The following IK variants were observed in gnomAD, a reference collection of about 807,000 sequenced individuals.
IK encodes the protein protein Red.
IK carries 47 observed loss-of-function variants against 90.9 expected under a neutral mutation model. That is an observed-to-expected ratio of 0.52 (90% CI 0.41 to 0.66). IK has a LOEUF of 0.66. Among genes scored for constraint, IK ranks in the 30% least tolerant of loss-of-function variants. The probability of loss-of-function intolerance (pLI) is 0.00; values close to 1 mark genes in which losing one functional copy is unlikely to be tolerated. For missense variants in IK, 385 were observed against 709.3 expected, an observed-to-expected ratio of 0.54 and a Z score of 5.19; for synonymous variants, 201 against 227.5, an observed-to-expected ratio of 0.88 and a Z score of 1.05.
chr5:140,651,438 T>TAA (rs79493817), intron 2 of IK, among the ~76,000 whole-genome samples: 348 of 111,948 alleles, frequency 3.1e-3, no homozygotes, highest in African/African-American at 0.011. Context: ...GACTCTGTCT[T>TAA]AAAAAAAAAA....
intron 14 of IK, 124 bp from the exon 15 acceptor site, chr5:140,659,991 C>T: frequency 1.1e-6 from 1 of 949,318 alleles, no homozygotes; most frequent in Non-Finnish European, 1.7e-6. Context: ...CCCAGAGCAC[C>T]CATAACAGCT....
At chr5:140,658,624 C>T in intron 10 of IK, 113 bp from the exon 11 acceptor site, 1 of 923,820 alleles carries the variant, frequency 1.1e-6, no homozygotes, top group Non-Finnish European at 1.7e-6. Flanking sequence ...CCAGCCTTGA[C>T]CCACGTTTTA....
chr5:140,650,758 TA>T (rs1757601283), intron 2 of IK, among the ~76,000 whole-genome samples: 1 of 152,102 alleles, frequency 6.6e-6, no homozygotes, highest in Non-Finnish European at 1.5e-5. Flanking sequence ...TTTGTATTTT[TA>T]GTAGAGATGG....
At chr5:140,659,681 T>G in intron 13 of IK, 75 bp from the exon 14 acceptor site, 1 of 943,318 alleles carries the variant, frequency 1.1e-6, no homozygotes, top group Non-Finnish European at 1.7e-6. Context: ...TTAAAAATGT[T>G]TTTTAAGTGT....
Position 140,657,668 on chromosome 5 carries a change from T to C in IK, c.910+6T>C, listed in dbSNP as rs1757733859. ...GCTTAAGAAGAAGGATAAAGGTACCTGGAGGGTTAGAGAGAGAAGCCTTAC... is the reference window on the plus strand; with the variant it reads ...GCTTAAGAAGAAGGATAAAGGTACCCGGAGGGTTAGAGAGAGAAGCCTTAC... On this transcript the variant is annotated splice_donor_region_variant and intron_variant, in intron 10 of 19. Transcript: ENST00000417647. The C allele has an allele frequency of 1.3e-6, 2 of 1,580,840 alleles. No homozygotes were observed. The highest frequency in any genetic ancestry group is 1.7e-6 in the Non-Finnish European group (2 of 1,150,976).
rs762830630 is a variant in IK at position 140,661,914 on chromosome 5, T to C, written c.1518T>C (p.Tyr506=). 1.2e-6 allele frequency: 2 copies of C among 1,610,094 alleles called. No homozygotes were observed. Among genetic ancestry groups the C allele is most frequent in the East Asian group, 2.2e-5 (1 of 44,822 alleles). Residue 506 remains tyrosine, a synonymous_variant, in exon 18 of 20, where the codon TAT becomes TAC. Coordinates refer to ENST00000417647, the MANE Select transcript of IK (RefSeq NM_006083.4). The surrounding 1 kb of genome is among the most constrained non-coding windows in gnomAD (Gnocchi z 4.2). ...KEALPKAAFQ[Y]GIKMSEGRKT... is the part of the protein sequence containing the mutation. ...CTTTTTTCAGGGCTGCATTCCAGTA[T>C]GGTATCAAAATGTCTGAAGGGCGGA... is the stretch of plus-strand genomic sequence containing the variant.
intron 9 of IK, among the ~76,000 whole-genome samples, chr5:140,656,518 C>G (rs1757712219): frequency 7.6e-6 from 1 of 131,434 alleles, no homozygotes; most frequent in Admixed American, 7.7e-5. Context: ...TAATTGGTTT[C>G]CGCACTTCCA....
intron 2 of IK, chr5:140,648,796 C>T (rs1757550699): frequency 2.3e-6 from 1 of 440,140 alleles, no homozygotes; most frequent in Non-Finnish European, 4.1e-6. Context: ...GGAATTACTT[C>T]TTCCAATAGC....
At position 140,648,483 on chromosome 5, in the gene IK, C is replaced by G; in HGVS notation, c.29C>G (p.Ser10Cys). Residue 10 changes from serine to cysteine, a missense_variant, in exon 2 of 20, where the codon TCC (serine) becomes TGC (cysteine). By Grantham distance (112) the Ser-to-Cys change is moderately radical. Coordinates refer to ENST00000417647, the MANE Select transcript of IK (RefSeq NM_006083.4). Reference sequence around the variant, plus strand: ...TTTTTTTTGTCAGGTGAGCCGTTCTCCAACCCTTTGGCCCCCGATGGCCAC... The same window carrying G: ...TTTTTTTTGTCAGGTGAGCCGTTCTGCAACCCTTTGGCCCCCGATGGCCAC... MPERDSEPF[S>C]NPLAPDGHDV... The G allele has an allele frequency of 6.2e-7, 1 of 1,613,988 alleles. No homozygotes were observed. Among genetic ancestry groups the G allele is most frequent in the Non-Finnish European group, 8.5e-7 (1 of 1,179,876 alleles).
intron 2 of IK, among the ~76,000 whole-genome samples, chr5:140,649,604 C>G (rs1757580108): frequency 6.6e-6 from 1 of 152,156 alleles, no homozygotes; most frequent in South Asian, 2.1e-4. Context: ...GGCATTATTT[C>G]TGCTCACAGC....
In IK at chr5:140,659,816, G is replaced by C. The variant is rs1473830891; in HGVS notation, c.1256G>C (p.Gly419Ala). 6.3e-7 allele frequency: 1 copy of C among 1,597,170 alleles called. No homozygotes were observed. Among genetic ancestry groups the C allele is most frequent in the Non-Finnish European group, 8.5e-7 (1 of 1,171,276 alleles). Residue 419 changes from glycine (G) to alanine (A), a missense_variant, in exon 14 of 20, where the codon GGC (glycine) becomes GCC (alanine). Around this residue, in one of 8 missense-constraint regions of IK, gnomAD observed 139 missense variants for 172.0 expected, o/e 0.81. Transcript: ENST00000417647. ...SINEKFAGSA[G>A]WEGTESLKKP... is the part of the protein sequence containing the mutation. ...AATGAAAAGTTTGCTGGGTCTGCTG[G>C]CTGGGAAGGCACAGAATCATATCCT...
intron 5 of IK, 54 bp downstream of exon 5, chr5:140,653,198 A>G: frequency 6.7e-7 from 1 of 1,490,514 alleles, no homozygotes; most frequent in Non-Finnish European, 9.3e-7. Flanking sequence ...AGTCATGCAA[A>G]TACAATGTGA....
chr5:140,651,499 G>A (rs1175928366), intron 2 of IK, among the ~76,000 whole-genome samples: 1 of 151,246 alleles, frequency 6.6e-6, no homozygotes, highest in Non-Finnish European at 1.5e-5. Context: ...CACTTTGGGA[G>A]GCCGAGGTGG....
Position 140,658,975 on chromosome 5 carries a change from A to G in IK, c.987A>G (p.Thr329=), listed in dbSNP as rs779000519. Residue 329 remains threonine (T), a synonymous_variant, in exon 12 of 20, where the codon ACA becomes ACG. Coordinates refer to ENST00000417647, the MANE Select transcript of IK (RefSeq NM_006083.4). ...FEDIGDYVPS[T]TKTPRDKERE... ...ACATTGGGGATTACGTACCCTCCAC[A>G]ACCAAGACACCTCGGGACAAGGAGC... 13 of 1,613,866 alleles carry G rather than the reference A, an allele frequency of 8.1e-6. No homozygotes were observed. The East Asian group carries it at 2.7e-4, about 33-fold the overall frequency.
At chr5:140,660,568 G>A in intron 15 of IK, 190 bp from the exon 16 acceptor site, 1 of 564,752 alleles carries the variant, frequency 1.8e-6, no homozygotes, top group Non-Finnish European at 3.2e-6. Flanking sequence ...AAAGTGCGGG[G>A]ATTACAGGAG....
At position 140,658,941 on chromosome 5, in the gene IK, T is replaced by G; in HGVS notation, c.953T>G (p.Ile318Ser). The G allele has an allele frequency of 6.2e-7, 1 of 1,613,854 alleles. No homozygotes were observed. The highest frequency in any genetic ancestry group is 8.5e-7 in the Non-Finnish European group (1 of 1,179,830). The change falls in exon 12 of 20, where the codon ATT becomes AGT. Residue 318 changes from isoleucine to serine, a missense_variant and splice_region_variant. Physicochemically the swap from Ile to Ser is moderately radical, Grantham distance 142. This residue lies in a region of IK where 139 missense variants were observed against 172.0 expected (regional missense o/e 0.81). Coordinates refer to ENST00000417647, the MANE Select transcript of IK (RefSeq NM_006083.4). The part of the protein sequence containing the change: ...EKKPPEADMN[I>S]FEDIGDYVPS... ...GCTAGTGATCTCCATTTTCCCAGTA[T>G]TTTTGAAGACATTGGGGATTACGTA...
Position 140,662,020 on chromosome 5 carries a change from G to A in IK, c.1611+13G>A. On this transcript the variant is annotated intron_variant, in intron 18 of 19. Coordinates refer to ENST00000417647, the MANE Select transcript of IK (RefSeq NM_006083.4). ...GAAGATTAGTGCAGTAAGTAGGATG[G>A]CCCCTTGGGTGGGAGGGTTTCAGCT... is the stretch of plus-strand genomic sequence containing the variant. 6.3e-7 allele frequency: 1 copy of A among 1,592,248 alleles called. No homozygotes were observed. The highest frequency in any genetic ancestry group is 1.1e-5 in the South Asian group (1 of 88,694).
chr5:140,651,788 C>T lies in IK; in HGVS notation c.158C>T (p.Ser53Phe), dbSNP rs766033598. 33 of 1,607,480 alleles carry T rather than the reference C, an allele frequency of 2.1e-5. No individual in the cohort carries two copies. The highest frequency in any genetic ancestry group is 2.7e-5 in the African/African-American group (2 of 74,828). The change falls in exon 3 of 20, where the codon TCT becomes TTT. Residue 53 changes from serine (S) to phenylalanine (F), a missense_variant. Coordinates refer to ENST00000417647, the MANE Select transcript of IK (RefSeq NM_006083.4). ...PRAAPTSAPPSKSRHHEMPRE... is the reference protein window; with the variant it reads ...PRAAPTSAPPFKSRHHEMPRE... ...GCTGCACCTACCTCTGCACCACCTT[C>T]TAAGTCACGTCACCATGAGTAAGTC...
chr5:140,662,076 A>AC, intron 18 of IK, 69 bp downstream of exon 18: 1 of 1,574,586 alleles, frequency 6.4e-7, no homozygotes, highest in Non-Finnish European at 8.7e-7. Flanking sequence ...AGATTCAGGA[A>AC]CAGGCAAGGG....
Sources: allele counts gnomAD v4.1 joint callset (sites outside exome capture counted in the v4.1 genomes callset), GRCh38; gene constraint gnomAD v4.1.1; regional missense constraint gnomAD v4.1.1; non-coding constraint Gnocchi (gnomAD v3.1); transcripts MANE v1.5; gene names NCBI Gene and HGNC (gene_info 2026-07-23, HGNC 2026-07-21).